The following PAICS variants were observed in gnomAD, a reference collection of about 807,000 sequenced individuals.
PAICS encodes the protein bifunctional phosphoribosylaminoimidazole carboxylase/phosphoribosylaminoimidazole succinocarboxamide synthetase.
Under a neutral mutation model 53.7 loss-of-function variants are expected in PAICS, and 33 were observed. The observed-to-expected ratio is 0.61, with a 90% CI of 0.47 to 0.82. PAICS has a LOEUF of 0.82. Among genes scored for constraint, PAICS ranks in the 40% least tolerant of loss-of-function variants. The pLI is 0.00. For missense variants in PAICS, 394 were observed against 494.1 expected, an observed-to-expected ratio of 0.80 and a Z score of 1.92; for synonymous variants, 141 against 167.2, an observed-to-expected ratio of 0.84 and a Z score of 1.21.
Position 56,450,599 on chromosome 4 carries a change from C to T in PAICS, c.688-20C>T. 1 of 1,320,154 alleles carries T rather than the reference C, an allele frequency of 7.6e-7. No individual in the cohort carries two copies. Among genetic ancestry groups the T allele is most frequent in the African/African-American group, 1.5e-5 (1 of 68,454 alleles). 81.8% of individuals were successfully genotyped at this position (1,320,154 alleles called of 1,614,324 possible). A position where few individuals can be genotyped will look rare whatever the true frequency, so the allele number is the denominator to read the frequency against. On this transcript the variant is annotated intron_variant, in intron 5 of 8. Transcript: ENST00000512576. ...TAGCAAGAGATACTTGTTTTCTAAACTTTCTATCTTATTTTCTAGTCTTAT... is the reference window on the plus strand; with the variant it reads ...TAGCAAGAGATACTTGTTTTCTAAATTTTCTATCTTATTTTCTAGTCTTAT...
At chr4:56,435,643 C>T (rs958555547), upstream of PAICS, 41 of 1,433,782 alleles carry the variant, frequency 2.9e-5, no homozygotes, top group Non-Finnish European at 3.6e-5. Context: ...CCCTAGGTGG[C>T]GTGGCCAGCT....
At chr4:56,431,412 T>A (rs937501449), upstream of PAICS, 2 of 979,766 alleles carry the variant, frequency 2.0e-6, no homozygotes, top group Non-Finnish European at 2.4e-6. Flanking sequence ...TTCTGTACTC[T>A]GTTTGCAGAA....
chr4:56,433,578 T>G (rs986760804), upstream of PAICS, among the ~76,000 whole-genome samples: 4 of 151,968 alleles, frequency 2.6e-5, no homozygotes, highest in African/African-American at 9.7e-5. Context: ...TGAATAACTT[T>G]GGCAAAAAAA....
At chr4:56,435,218 C>G, upstream of PAICS, 1 of 1,345,362 alleles carries the variant, frequency 7.4e-7, no homozygotes, top group Non-Finnish European at 1.0e-6. Context: ...GTCGACGCCA[C>G]AGGCAGGTAC....
intron 7 of PAICS, 60 bp from the exon 8 acceptor site, chr4:56,453,543 A>C (rs1578158724): frequency 8.1e-7 from 1 of 1,238,478 alleles, no homozygotes; most frequent in Non-Finnish European, 1.1e-6. Flanking sequence ...AAAAAAAAAA[A>C]CCCTGTCTTT....
At chr4:56,418,349 T>A in the PAICS span, among the ~76,000 whole-genome samples, 3 of 152,040 alleles carry the variant, frequency 2.0e-5, no homozygotes, top group Admixed American at 1.3e-4. Flanking sequence ...AGACAGGGTC[T>A]CACTCTTTTG....
At chr4:56,439,298 G>A (rs191470939) in intron 1 of PAICS, among the ~76,000 whole-genome samples, 71 of 151,920 alleles carry the variant, frequency 4.7e-4, no homozygotes, top group Middle Eastern at 3.4e-3. Context: ...GTGCAGTGGC[G>A]CCATCTCAGC....
At chr4:56,430,800 A>C (rs1717544340), upstream of PAICS, among the ~76,000 whole-genome samples, 1 of 151,902 alleles carries the variant, frequency 6.6e-6, no homozygotes, top group Admixed American at 6.5e-5. Flanking sequence ...CTAGGCCAAC[A>C]GATGAGGAAA....
intron 8 of PAICS, among the ~76,000 whole-genome samples, chr4:56,455,342 A>G (rs767168023): frequency 1.1e-4 from 17 of 152,208 alleles, no homozygotes; most frequent in Non-Finnish European, 2.4e-4. Context: ...AACTTTTCTC[A>G]TATCTGTATA....
rs1482637520 is a variant in PAICS, at chr4:56,450,197, G to A, written c.688-422G>A. Among the ~76,000 whole-genome samples the A allele has an allele frequency of 2.6e-5, 4 of 152,120 alleles. No homozygotes were observed. In the East Asian group the frequency reaches 7.7e-4, roughly 29 times the overall value. ...AGGGTGGGGAGCAAGGGGAGGGAGA[G>A]CATTAGGAGAAATACCTAATGCATA... On this transcript the variant is annotated intron_variant, in intron 5 of 8. Coordinates refer to ENST00000512576, the MANE Select transcript of PAICS (RefSeq NM_001079524.2).
chr4:56,431,458 G>C (rs1717581594), upstream of PAICS: 12 of 977,620 alleles, frequency 1.2e-5, 1 homozygote, highest in South Asian at 3.3e-4. Flanking sequence ...GTGCTCCTGA[G>C]ATCATTACAA....
chr4:56,442,033 G>A lies in PAICS; in HGVS notation c.214+173G>A, dbSNP rs1718370849. 1.4e-5 allele frequency: 7 copies of A among 516,930 alleles called. No homozygotes were observed. In the South Asian group the frequency reaches 2.2e-4, roughly 16 times the overall value. The allele number at this position is 516,930 out of a possible 1,614,324, so 32.0% of individuals were successfully genotyped here. On this transcript the variant is annotated intron_variant, in intron 2 of 8. Coordinates refer to ENST00000512576, the MANE Select transcript of PAICS (RefSeq NM_001079524.2). ...TTCACTATAACACCTTATTTGGTTTGGGATTATTAGTATCATTGAATTAAA... is the reference window on the plus strand; with the variant it reads ...TTCACTATAACACCTTATTTGGTTTAGGATTATTAGTATCATTGAATTAAA...
upstream of PAICS, chr4:56,435,535 C>A: frequency 6.2e-7 from 1 of 1,610,172 alleles, no homozygotes; most frequent in East Asian, 2.2e-5. Context: ...TAAGCACCAA[C>A]CAGCTGCCAG....
chr4:56,448,775 C>T lies in PAICS; in HGVS notation c.639C>T (p.Ser213=). The change falls in exon 5 of 9, where the codon TCC becomes TCT. Residue 213 remains serine, a synonymous_variant. Coordinates refer to ENST00000512576, the MANE Select transcript of PAICS (RefSeq NM_001079524.2). ...TTGCTGATGTTATTGACAATGATTC[C>T]TGGAGACTCTGGCCATCAGGAGATC... The part of the protein sequence containing the change: ...IVLADVIDND[S]WRLWPSGDRS... 6.3e-7 allele frequency: 1 copy of T among 1,597,338 alleles called. No homozygotes were observed. The highest frequency in any genetic ancestry group is 1.1e-5 in the South Asian group (1 of 88,222).
At chr4:56,457,269 T>G (rs150909196) in intron 8 of PAICS, among the ~76,000 whole-genome samples, 1,610 of 152,092 alleles carry the variant, frequency 0.011, 33 homozygotes, top group African/African-American at 0.036. Flanking sequence ...AAAAATTAGC[T>G]AGGCATGGTG....
At chr4:56,410,755 A>C in the PAICS span, 1 of 987,418 alleles carries the variant, frequency 1.0e-6, no homozygotes, top group Non-Finnish European at 1.2e-6. Context: ...ATAACTCTGG[A>C]GACAGCTCTA....
chr4:56,410,937 C>G, the PAICS span: 1 of 912,712 alleles, frequency 1.1e-6, no homozygotes, highest in South Asian at 5.2e-5. Context: ...AAGAAAAGTA[C>G]TCTTGTTTTT....
chr4:56,420,090 C>T, the PAICS span: 2 of 668,272 alleles, frequency 3.0e-6, no homozygotes, highest in South Asian at 1.3e-4. Context: ...CATGTTACAT[C>T]ACACAGGTTC....
At chr4:56,420,039 G>C in the PAICS span, 1 of 975,840 alleles carries the variant, frequency 1.0e-6, no homozygotes. Context: ...AATGGGAGAG[G>C]ACCAGACAGG....
Sources: allele counts gnomAD v4.1 joint callset (sites outside exome capture counted in the v4.1 genomes callset), GRCh38; gene constraint gnomAD v4.1.1; transcripts MANE v1.5; gene names NCBI Gene and HGNC (gene_info 2026-07-23, HGNC 2026-07-21).